The following YJU2 variants were observed in gnomAD, a reference collection of about 807,000 sequenced individuals.
The protein encoded by YJU2 is splicing factor YJU2.
A neutral mutation model predicts 39.6 loss-of-function variants in YJU2; 28 were observed. The observed-to-expected ratio is 0.71, with a 90% confidence interval of 0.52 to 0.97. YJU2 has a LOEUF of 0.97. Among genes scored for constraint, YJU2 ranks in the 50% least tolerant of loss-of-function variants. The pLI is 0.00. For missense variants in YJU2, 328 were observed against 430.4 expected (o/e 0.76, Z 2.11); for synonymous variants, 184 against 182.4 (o/e 1.01, Z -0.07).
At chr19:4,248,934 A>G (rs977043342) in intron 1 of YJU2, among the ~76,000 whole-genome samples, 1 of 152,108 alleles carries the variant, frequency 6.6e-6, no homozygotes, top group African/African-American at 2.4e-5. Flanking sequence ...CAAAAACAAA[A>G]ACAAACCCTG....
At chr19:4,256,181 A>ATATATATATAT (rs1555725230) in intron 4 of YJU2, among the ~76,000 whole-genome samples, 15 of 125,878 alleles carry the variant, frequency 1.2e-4, no homozygotes, top group African/African-American at 3.4e-4. Flanking sequence ...AAAAAAAAAA[A>ATATATATATAT]ATATATATAT....
At chr19:4,253,398 G>A (rs778810666) in intron 3 of YJU2, among the ~76,000 whole-genome samples, 10 of 152,094 alleles carry the variant, frequency 6.6e-5, no homozygotes, top group Non-Finnish European at 1.0e-4. Flanking sequence ...GCAACATGGC[G>A]AAACCCTGTC....
At chr19:4,267,329 G>A (rs1971123506) in intron 6 of YJU2, among the ~76,000 whole-genome samples, 1 of 152,312 alleles carries the variant, frequency 6.6e-6, no homozygotes, top group South Asian at 2.1e-4. Context: ...CGAGTGCATG[G>A]AAAAGGGGGC....
Position 4,247,094 on chromosome 19 carries a change from A to AT in YJU2, c.-51dup, listed in dbSNP as rs1599494009. ...AGGCTTCCGTCGGAAAAGCTCGATA[A>AT]TTACCCAGCCTAACCATTTCTCAGG... On this transcript the variant is annotated 5_prime_UTR_variant, in exon 1 of 8. Coordinates refer to ENST00000262962, the MANE Select transcript of YJU2 (RefSeq NM_018074.6). 2 of 1,581,920 alleles carry AT rather than the reference A, an allele frequency of 1.3e-6. No homozygotes were observed. The highest frequency in any genetic ancestry group is 2.7e-5 in the African/African-American group (2 of 74,312).
intron 2 of YJU2, among the ~76,000 whole-genome samples, chr19:4,250,783 C>T (rs1440319671): frequency 1.3e-5 from 2 of 152,050 alleles, no homozygotes; most frequent in Non-Finnish European, 2.9e-5. Context: ...GCAGGCCTCA[C>T]CTACTCAGGG....
chr19:4,260,200 G>A (rs1471850478), intron 5 of YJU2, among the ~76,000 whole-genome samples: 1 of 152,110 alleles, frequency 6.6e-6, no homozygotes, highest in African/African-American at 2.4e-5. Flanking sequence ...GAGGCGGGCG[G>A]ATCACCTGAG....
intron 7 of YJU2, among the ~76,000 whole-genome samples, 183 bp downstream of exon 7, chr19:4,267,957 CT>C (rs1174345223): frequency 1.5e-3 from 220 of 142,872 alleles, no homozygotes; most frequent in Middle Eastern, 3.6e-3. Flanking sequence ...TTTCTTTTTT[CT>C]TTTTTTTTTT....
intron 1 of YJU2, chr19:4,248,324 C>T (rs1423204447): frequency 6.6e-6 from 1 of 152,242 alleles, no homozygotes; most frequent in Non-Finnish European, 1.5e-5. Context: ...GGAGCACCTA[C>T]TGGGTGCCAG....
chr19:4,265,186 T>C (rs1971106399), intron 6 of YJU2, among the ~76,000 whole-genome samples: 1 of 152,206 alleles, frequency 6.6e-6, no homozygotes, highest in Non-Finnish European at 1.5e-5. Flanking sequence ...CATCAAGACT[T>C]TTCAAACCTT....
At chr19:4,265,750 G>A (rs1971110403) in intron 6 of YJU2, among the ~76,000 whole-genome samples, 1 of 151,410 alleles carries the variant, frequency 6.6e-6, no homozygotes, top group Admixed American at 6.6e-5. Context: ...TACCACACCT[G>A]GCTAGGTTTT....
At chr19:4,253,198 TACACACACACACACAC>T (rs58339658) in intron 3 of YJU2, among the ~76,000 whole-genome samples, 5 of 139,160 alleles carry the variant, frequency 3.6e-5, no homozygotes, top group South Asian at 4.7e-4. Context: ...TGTCCGTGTC[TACACACACACACACAC>T]ACACACACAC....
intron 5 of YJU2, among the ~76,000 whole-genome samples, chr19:4,259,891 A>G (rs1336322383): frequency 6.6e-6 from 1 of 152,130 alleles, no homozygotes; most frequent in Non-Finnish European, 1.5e-5. Flanking sequence ...CGTGCAGAAC[A>G]GTGTTGGGAG....
chr19:4,250,407 G>A (rs1189437941), intron 2 of YJU2, among the ~76,000 whole-genome samples: 2 of 152,188 alleles, frequency 1.3e-5, no homozygotes, highest in East Asian at 3.9e-4. Flanking sequence ...GTGGAGAATA[G>A]TGGTAGTCAG....
rs546366900 is a variant in YJU2 at position 4,266,942 on chromosome 19, G to T, written c.709-682G>T. On this transcript the variant is annotated intron_variant, in intron 6 of 7. Transcript: ENST00000262962. The stretch of plus-strand genomic sequence containing the variant: ...TGATTGCACCACTGCACTCCAGCCT[G>T]GGCAATAGAGTGAGACCTTCCCCCC... 5.9e-5 allele frequency among the ~76,000 whole-genome samples: 9 copies of T among 152,272 alleles called. No homozygotes were observed. The East Asian group carries it at 1.7e-3, about 29-fold the overall frequency.
rs113565687 is a variant in YJU2 at position 4,259,523 on chromosome 19, G to A, written c.587+1100G>A. On this transcript the variant is annotated intron_variant, in intron 5 of 7. Transcript: ENST00000262962. ...GCCTTCTGGGTAGCTGGGACCACAG[G>A]GACACATCACCATGCCCAGCTAATT... 3.9e-3 allele frequency among the ~76,000 whole-genome samples: 593 copies of A among 152,194 alleles called. 8 individuals are homozygous for A. The highest frequency in any genetic ancestry group is 0.014 in the African/African-American group (569 of 41,534).
intron 4 of YJU2, among the ~76,000 whole-genome samples, chr19:4,257,074 G>A (rs1326317149): frequency 6.6e-6 from 1 of 151,886 alleles, no homozygotes; most frequent in Non-Finnish European, 1.5e-5. Flanking sequence ...ATACAACAAG[G>A]TCACAGCACT....
chr19:4,256,179 AAAAT>A (rs1367261316), intron 4 of YJU2, among the ~76,000 whole-genome samples: 8 of 97,274 alleles, frequency 8.2e-5, no homozygotes, highest in African/African-American at 3.2e-4. Context: ...CAAAAAAAAA[AAAAT>A]ATATATATAT....
chr19:4,266,296 C>T (rs1425432817), intron 6 of YJU2, among the ~76,000 whole-genome samples: 1 of 152,054 alleles, frequency 6.6e-6, no homozygotes, highest in Non-Finnish European at 1.5e-5. Context: ...TAGCAGTGGC[C>T]GCCCCTCACA....
chr19:4,264,099 A>G (rs892075464), intron 6 of YJU2, among the ~76,000 whole-genome samples: 1 of 151,352 alleles, frequency 6.6e-6, no homozygotes, highest in African/African-American at 2.4e-5. Context: ...CATCTCTGCT[A>G]AAAATACAAA....
Sources: gnomAD v4.1 joint callset for allele counts (sites outside exome capture counted in the v4.1 genomes callset) on GRCh38, gnomAD v4.1.1 for gene constraint, MANE v1.5 for transcripts, NCBI Gene and HGNC (gene_info 2026-07-23, HGNC 2026-07-21) for gene names.